The following NME9 variants were observed in gnomAD, a reference collection of about 807,000 sequenced individuals.
The protein encoded by NME9 is thioredoxin domain-containing protein 6.
In NME9, 48 loss-of-function variants were observed where a neutral mutation model predicts 44.4. The ratio of observed to expected loss-of-function variants is 1.08; its 90% CI spans 0.86 to 1.37. The LOEUF (loss-of-function observed/expected upper bound fraction) is 1.37, where lower values mean the gene tolerates loss of function less well. Ranked by LOEUF, NME9 falls within the 40% of genes most tolerant of loss-of-function variation. The pLI, the probability that NME9 is intolerant of heterozygous loss-of-function variation, is 0.00. For missense variants in NME9, 325 were observed against 405.2 expected (o/e 0.80, Z 1.70); for synonymous variants, 139 against 147.1 (o/e 0.94, Z 0.40).
At chr3:138,267,319 A>G in intron 8 of NME9, 1 of 853,746 alleles carries the variant, frequency 1.2e-6, no homozygotes, top group Non-Finnish European at 1.8e-6. Context: ...AGTAGTTGAC[A>G]TTGAAATCTG....
At chr3:138,276,823 A>G (rs1441630792) in intron 8 of NME9, among the ~76,000 whole-genome samples, 1 of 152,222 alleles carries the variant, frequency 6.6e-6, no homozygotes, top group African/African-American at 2.4e-5. Context: ...AAGTTGATTT[A>G]TAGATTAAGC....
intron 8 of NME9, chr3:138,288,973 G>A (rs1231833450): frequency 1.1e-5 from 14 of 1,233,874 alleles, no homozygotes; most frequent in South Asian, 7.9e-5. Context: ...ATTGGCTATG[G>A]TAGGTCCCCC....
intron 8 of NME9, among the ~76,000 whole-genome samples, chr3:138,280,364 C>A (rs1367187479): frequency 1.3e-5 from 2 of 151,984 alleles, no homozygotes; most frequent in Non-Finnish European, 2.9e-5. Context: ...GTTGCCCAGG[C>A]TGGAGTGCAG....
At chr3:138,306,509 C>T (rs373518565) in intron 6 of NME9, 29 bp from the exon 7 acceptor site, 3 of 1,463,418 alleles carry the variant, frequency 2.0e-6, no homozygotes, top group Non-Finnish European at 2.8e-6. Context: ...CTGTCAGATG[C>T]TGATGTTTGA....
intron 2 of NME9, among the ~76,000 whole-genome samples, chr3:138,321,375 C>T (rs1317232092): frequency 5.9e-5 from 9 of 152,190 alleles, no homozygotes; most frequent in East Asian, 1.9e-4. Context: ...CCTCACATGA[C>T]GGAAGTCAAG....
exon 9 of NME9, chr3:138,261,885 C>A (rs1482398290): frequency 6.6e-6 from 1 of 152,086 alleles, no homozygotes; most frequent in African/African-American, 2.4e-5. Flanking sequence ...AATCAAGGTC[C>A]CTACGAAGAT....
intron 5 of NME9, 33 bp from the exon 6 acceptor site, chr3:138,314,440 T>C (rs779904540): frequency 7.3e-6 from 10 of 1,369,706 alleles, no homozygotes; most frequent in Non-Finnish European, 1.0e-5. Context: ...AGAAAGTAGT[T>C]AGCTAATTAA....
chr3:138,320,721 G>C (rs889922731), intron 2 of NME9, among the ~76,000 whole-genome samples: 3 of 152,200 alleles, frequency 2.0e-5, no homozygotes, highest in African/African-American at 7.2e-5. Flanking sequence ...TGAATGGGTA[G>C]AGAGGGAGAC....
At chr3:138,301,844 GACC>G in intron 10 of NME9, 140 bp from the exon 11 acceptor site, 1 of 628,336 alleles carries the variant, frequency 1.6e-6, no homozygotes, top group Non-Finnish European at 2.8e-6. Context: ...ACGTGTTAGG[GACC>G]AGGAATTAAA....
At chr3:138,303,402 G>T in intron 10 of NME9, 105 bp downstream of exon 10, 1 of 832,892 alleles carries the variant, frequency 1.2e-6, no homozygotes, top group South Asian at 1.5e-5. Flanking sequence ...TTAGGTTGAA[G>T]ACTTAGTTAC....
Position 138,303,596 on chromosome 3 carries a change from C to T in NME9, c.839G>A (p.Gly280Glu), listed in dbSNP as rs755642862. 1 of 1,613,870 alleles carries T rather than the reference C, an allele frequency of 6.2e-7. No individual in the cohort carries two copies. Among genetic ancestry groups the T allele is most frequent in the Admixed American group, 1.7e-5 (1 of 60,034 alleles). The change falls in exon 10 of 11, where the codon GGA becomes GAA. Residue 280 changes from glycine to glutamate, a missense_variant. Coordinates refer to ENST00000333911, the MANE Select transcript of NME9 (RefSeq NM_001349018.2). ...GTCAGCATCTTCTCTGTCCCGGCTT[C>T]CATGGACGGCATTGAAGGGCATTTC... Reference protein sequence around the residue: ...GTEMPFNAVHGSRDREDADRE... With the variant: ...GTEMPFNAVHESRDREDADRE...
At chr3:138,265,862 T>C (rs756453676) in intron 8 of NME9, among the ~76,000 whole-genome samples, 3 of 152,158 alleles carry the variant, frequency 2.0e-5, no homozygotes, top group Non-Finnish European at 4.4e-5. Flanking sequence ...ACAGAGTATA[T>C]GATTTATGTG....
chr3:138,324,898 T>C lies in NME9; in HGVS notation c.66A>G (p.Glu22=), dbSNP rs371628363. 46 of 1,613,794 alleles carry C rather than the reference T, an allele frequency of 2.9e-5. No individual in the cohort carries two copies. Among genetic ancestry groups the C allele is most frequent in the Non-Finnish European group, 3.6e-5 (43 of 1,179,814 alleles). The part of the protein sequence containing the change: ...VNISTQELWE[E]MLSSKGLTVV... ...CAGTTAGTCCTTTGGAACTGAGCAT[T>C]TCCTCCCAAAGCTCTTGGGTGCTGA... The change falls in exon 2 of 11, where the codon GAA becomes GAG. Residue 22 remains glutamate, a synonymous_variant. Coordinates refer to ENST00000333911, the MANE Select transcript of NME9 (RefSeq NM_001349018.2).
chr3:138,324,195 T>C, intron 2 of NME9: 1 of 307,464 alleles, frequency 3.3e-6, no homozygotes, highest in Non-Finnish European at 6.5e-6. Flanking sequence ...ATGAGTGAGC[T>C]TGGAAGTGGA....
chr3:138,297,487 C>T (rs745685215), downstream of NME9: 11 of 152,258 alleles, frequency 7.2e-5, no homozygotes, highest in Non-Finnish European at 1.6e-4. Context: ...CCACCAGCCA[C>T]TCCTGATGGG....
intron 8 of NME9, among the ~76,000 whole-genome samples, chr3:138,270,322 G>A (rs2048670143): frequency 6.6e-6 from 1 of 152,182 alleles, no homozygotes; most frequent in East Asian, 1.9e-4. Context: ...CTGTAAGCAA[G>A]TTATGCCTCC....
chr3:138,305,500 A>C (rs2052181648), intron 8 of NME9, among the ~76,000 whole-genome samples: 1 of 152,084 alleles, frequency 6.6e-6, no homozygotes, highest in East Asian at 1.9e-4. Flanking sequence ...ATTTGGTCCA[A>C]GTTTGACTGA....
intron 8 of NME9, chr3:138,263,434 C>CA: frequency 3.4e-6 from 1 of 291,004 alleles, no homozygotes; most frequent in South Asian, 5.1e-5. Context: ...TCCTTTTTCT[C>CA]AAGATTATTT....
At chr3:138,309,615 G>T (rs2052546997) in intron 6 of NME9, among the ~76,000 whole-genome samples, 1 of 152,160 alleles carries the variant, frequency 6.6e-6, no homozygotes, top group South Asian at 2.1e-4. Context: ...AGCCCAGGAG[G>T]CGGAGGTTGC....
Sources: allele counts gnomAD v4.1 joint callset (sites outside exome capture counted in the v4.1 genomes callset), GRCh38; gene constraint gnomAD v4.1.1; transcripts MANE v1.5; gene names NCBI Gene and HGNC (gene_info 2026-07-23, HGNC 2026-07-21).